The following DIP2C variants were observed in gnomAD, a reference collection of about 807,000 sequenced individuals.
The protein encoded by DIP2C is DIP2 acetate--CoA ligase C (putative).
In DIP2C, 33 loss-of-function variants were observed where a neutral mutation model predicts 192.4. That is an observed-to-expected ratio of 0.17 (90% CI 0.13 to 0.23). The LOEUF (loss-of-function observed/expected upper bound fraction) is 0.23. Among genes scored for constraint, DIP2C ranks in the 10% least tolerant of loss-of-function variants. DIP2C has a pLI of 1.00. For synonymous variants in DIP2C, 979 were observed against 864.1 expected (o/e 1.13, Z -2.33); for missense variants, 1,537 against 2,110.1 (o/e 0.73, Z 5.32).
chr10:602,482 C>T (rs1048530785), intron 1 of DIP2C, among the ~76,000 whole-genome samples: 2 of 152,230 alleles, frequency 1.3e-5, no homozygotes, highest in African/African-American at 4.8e-5. Flanking sequence ...GGAGGCCTCG[C>T]TCTCAGGACC....
At chr10:377,988 T>C (rs1961833458) in intron 17 of DIP2C, among the ~76,000 whole-genome samples, 1 of 152,272 alleles carries the variant, frequency 6.6e-6, no homozygotes, top group Non-Finnish European at 1.5e-5. Context: ...GAAAATCAAG[T>C]CTATCATCTA....
chr10:454,523 T>C (rs116190093), intron 3 of DIP2C, among the ~76,000 whole-genome samples: 3,424 of 116,550 alleles, frequency 0.029, 28 homozygotes, highest in African/African-American at 0.16. Flanking sequence ...CATCAGCACC[T>C]ATCAAACCCC....
intron 1 of DIP2C, among the ~76,000 whole-genome samples, chr10:522,164 G>C (rs1200388706): frequency 1.3e-5 from 2 of 151,550 alleles, no homozygotes; most frequent in African/African-American, 4.9e-5. Context: ...AGGCTGTCCT[G>C]TCGTTGGACT....
chr10:476,702 G>A (rs1843059501), intron 2 of DIP2C, among the ~76,000 whole-genome samples: 2 of 152,132 alleles, frequency 1.3e-5, no homozygotes, highest in South Asian at 2.1e-4. Flanking sequence ...TCATTCTCCT[G>A]GTACCTGCAG....
At chr10:467,230 A>AAT (rs1970276771) in intron 3 of DIP2C, among the ~76,000 whole-genome samples, 2 of 152,296 alleles carry the variant, frequency 1.3e-5, no homozygotes, top group Middle Eastern at 3.4e-3. Flanking sequence ...TGTCCTTTGT[A>AAT]GGGACATGGA....
chr10:482,168 T>A (rs1164440278), intron 2 of DIP2C, among the ~76,000 whole-genome samples: 1 of 152,150 alleles, frequency 6.6e-6, no homozygotes, highest in Non-Finnish European at 1.5e-5. Context: ...GTTCCTCATG[T>A]GGATGCAGCG....
intron 26 of DIP2C, 135 bp downstream of exon 26, chr10:348,506 C>T: frequency 7.1e-7 from 1 of 1,408,102 alleles, no homozygotes; most frequent in Non-Finnish European, 9.6e-7. Flanking sequence ...GAGACCCTGT[C>T]CTGACCGTTT....
intron 1 of DIP2C, among the ~76,000 whole-genome samples, chr10:603,316 AAAAAAAAAAAAAAAAAACC>A (rs1475646176): frequency 2.7e-5 from 4 of 146,318 alleles, no homozygotes; most frequent in African/African-American, 7.8e-5. Flanking sequence ...AAAAAAAAAA[AAAAAAAAAAAAAAAAAACC>A]AACCATGAGA....
At chr10:542,669 A>G (rs11253087) in intron 1 of DIP2C, among the ~76,000 whole-genome samples, 14,133 of 152,216 alleles carry the variant, frequency 0.093, 813 homozygotes, top group East Asian at 0.18. Context: ...TTCTTATCAG[A>G]TTGGGAAGTG....
intron 32 of DIP2C, among the ~76,000 whole-genome samples, chr10:308,270 G>A (rs549147145): frequency 4.0e-5 from 6 of 149,722 alleles, no homozygotes; most frequent in South Asian, 4.1e-4. Flanking sequence ...TAGCAGCGAC[G>A]GTCAGCGGCG....
intron 1 of DIP2C, among the ~76,000 whole-genome samples, chr10:566,484 GCA>G (rs1180935158): frequency 1.3e-5 from 2 of 152,176 alleles, no homozygotes; most frequent in Non-Finnish European, 2.9e-5. Flanking sequence ...CAGACACACC[GCA>G]CACTGATATT....
intron 1 of DIP2C, among the ~76,000 whole-genome samples, chr10:626,755 C>G (rs1429858237): frequency 1.4e-5 from 2 of 138,280 alleles, no homozygotes; most frequent in Admixed American, 1.4e-4. Context: ...ATTGTCAGGC[C>G]CTCTCACTGT....
chr10:501,885 C>T (rs1845257657), intron 1 of DIP2C, among the ~76,000 whole-genome samples: 1 of 152,178 alleles, frequency 6.6e-6, no homozygotes, highest in Non-Finnish European at 1.5e-5. Context: ...TGGCTCACAC[C>T]TGTAATCCCA....
rs182417815 is a variant in DIP2C, at chr10:573,312, G to A, written c.86-86782C>T. Among the ~76,000 whole-genome samples, 4 of 152,302 alleles carry A rather than the reference G, an allele frequency of 2.6e-5. No homozygotes were observed. The East Asian group carries it at 7.7e-4, about 29-fold the overall frequency. ...TACAATGTAATGAAAAAACAGGGAT[G>A]ATTAAGAAAATTTCAATGCTAATAA... On this transcript the variant is annotated intron_variant, in intron 1 of 36. Transcript: ENST00000280886.
chr10:343,557 A>G (rs10795023), intron 28 of DIP2C, among the ~76,000 whole-genome samples: 149,465 of 152,344 alleles, frequency 0.98, 73,373 homozygotes, highest in East Asian at 1. Flanking sequence ...AATTATTATA[A>G]AATGTAAAAT....
intron 3 of DIP2C, among the ~76,000 whole-genome samples, chr10:466,548 TTAAAC>T (rs1970215398): frequency 7.5e-6 from 1 of 133,596 alleles, no homozygotes; most frequent in African/African-American, 2.6e-5. Flanking sequence ...TGGGATCTGA[TTAAAC>T]TAAAGAGCTT....
chr10:358,430 A>G (rs546427184), intron 22 of DIP2C, among the ~76,000 whole-genome samples: 2 of 148,970 alleles, frequency 1.3e-5, no homozygotes, highest in African/African-American at 5.0e-5. Flanking sequence ...GATACTGTGG[A>G]CGGGACAGGA....
Position 344,797 on chromosome 10 carries a change from C to A in DIP2C, c.3453+12G>T. ...TGCCTCCATGGCCACCGCCCGCAGC[C>A]ACCCCCCTCACCTTTACGCCAGCTA... is the stretch of plus-strand genomic sequence containing the variant. On this transcript the variant is annotated intron_variant, in intron 28 of 36. Transcript: ENST00000280886. 1 of 1,573,466 alleles carries A rather than the reference C, an allele frequency of 6.4e-7. No homozygotes were observed. The highest frequency in any genetic ancestry group is 8.6e-7 in the Non-Finnish European group (1 of 1,159,736).
chr10:467,029 C>G (rs1350375045), intron 3 of DIP2C, among the ~76,000 whole-genome samples: 3 of 151,348 alleles, frequency 2.0e-5, no homozygotes, highest in African/African-American at 7.3e-5. Flanking sequence ...CATCCCATTA[C>G]TGGGTATATA....
Sources: allele counts gnomAD v4.1 joint callset (sites outside exome capture counted in the v4.1 genomes callset), GRCh38; gene constraint gnomAD v4.1.1; transcripts MANE v1.5; gene names NCBI Gene and HGNC (gene_info 2026-07-23, HGNC 2026-07-21).